Variants in AFAP1L2 observed in about 807,000 individuals in gnomAD.
AFAP1L2 encodes actin filament associated protein 1 like 2.
AFAP1L2 carries 46 observed loss-of-function variants against 99.3 expected under a neutral mutation model. That is an observed-to-expected ratio of 0.46 (90% CI 0.37 to 0.59). The LOEUF (loss-of-function observed/expected upper bound fraction) is 0.59, where lower values mean the gene tolerates loss of function less well. Ranked by LOEUF, AFAP1L2 falls within the 20% of genes least tolerant of loss-of-function variation. The pLI is 0.00. For synonymous variants in AFAP1L2, 397 were observed against 419.1 expected, an observed-to-expected ratio of 0.95 and a Z score of 0.64; for missense variants, 959 against 1,034.9, an observed-to-expected ratio of 0.93 and a Z score of 1.01.
At position 114,389,298 on chromosome 10, in the gene AFAP1L2, T is replaced by C. The variant is rs561286139; in HGVS notation, c.16+15142A>G. Among the ~76,000 whole-genome samples the C allele has an allele frequency of 2.0e-5, 3 of 152,154 alleles. No individual in the cohort carries two copies. In the South Asian group the frequency reaches 6.2e-4, roughly 32 times the overall value. ...AAGCAACTATTATTTCAAGTAGAAA[T>C]AGAGATGATGGAACAAAAAAGATCA... is the stretch of plus-strand genomic sequence containing the variant. On this transcript the variant is annotated intron_variant, in intron 1 of 18. Coordinates refer to ENST00000304129, the MANE Select transcript of AFAP1L2 (RefSeq NM_001001936.3).
rs370328919 is a variant in AFAP1L2 at position 114,373,955 on chromosome 10, G to A, written c.16+30485C>T. 2.0e-4 allele frequency among the ~76,000 whole-genome samples: 31 copies of A among 152,232 alleles called. No homozygotes were observed. In the South Asian group the frequency reaches 6.2e-3, roughly 31 times the overall value. On this transcript the variant is annotated intron_variant, in intron 1 of 18. Coordinates refer to ENST00000304129, the MANE Select transcript of AFAP1L2 (RefSeq NM_001001936.3). ...GACAGAAGATGCTGGTTGGGATGCA[G>A]TGAAGTCCCAAGACCACCCTTTCCT...
intron 1 of AFAP1L2, among the ~76,000 whole-genome samples, chr10:114,353,784 G>A (rs546827268): frequency 2.0e-5 from 3 of 152,358 alleles, no homozygotes; most frequent in Admixed American, 1.3e-4. Context: ...AAGTCCTGGG[G>A]TGGGGGACAG....
At chr10:114,314,659 G>T (rs900165548) in intron 6 of AFAP1L2, among the ~76,000 whole-genome samples, 2 of 152,264 alleles carry the variant, frequency 1.3e-5, no homozygotes, top group East Asian at 3.9e-4. Context: ...GGCAAGAAAA[G>T]GTGTTTATAA....
chr10:114,332,029 G>A (rs183394962), intron 3 of AFAP1L2, 132 bp from the exon 4 acceptor site: 83 of 529,502 alleles, frequency 1.6e-4, no homozygotes, highest in African/African-American at 1.3e-3. Context: ...CCAGGCAGGC[G>A]GTCCCTGGAA....
Position 114,300,437 on chromosome 10 carries a change from G to GC in AFAP1L2, c.1788+7dup. ...GTGGTCTTGCTGTCCTGCAGGGGAG[G>GC]CCTGTACCTGTTCTCCCAGGTTCTC... On this transcript the variant is annotated splice_region_variant and intron_variant, in intron 14 of 18. Coordinates refer to ENST00000304129, the MANE Select transcript of AFAP1L2 (RefSeq NM_001001936.3). 3 of 1,613,044 alleles carry GC rather than the reference G, an allele frequency of 1.9e-6. No individual in the cohort carries two copies. Among genetic ancestry groups the GC allele is most frequent in the Non-Finnish European group, 2.5e-6 (3 of 1,179,380 alleles).
chr10:114,287,182 C>T, the AFAP1L2 span, among the ~76,000 whole-genome samples: 1 of 152,118 alleles, frequency 6.6e-6, no homozygotes, highest in Non-Finnish European at 1.5e-5. Context: ...AGCTGAAACA[C>T]GTCTTTTTTT....
At chr10:114,386,166 T>C (rs2056477037) in intron 1 of AFAP1L2, among the ~76,000 whole-genome samples, 1 of 152,150 alleles carries the variant, frequency 6.6e-6, no homozygotes, top group African/African-American at 2.4e-5. Flanking sequence ...AAAATGCCTA[T>C]GGTAGGACTT....
At chr10:114,393,021 G>C (rs540231162) in intron 1 of AFAP1L2, among the ~76,000 whole-genome samples, 2 of 152,066 alleles carry the variant, frequency 1.3e-5, no homozygotes, top group Non-Finnish European at 2.9e-5. Context: ...CCCCCAACAC[G>C]CATGTGCCCC....
At chr10:114,288,361 G>A in the AFAP1L2 span, among the ~76,000 whole-genome samples, 127 of 152,336 alleles carry the variant, frequency 8.3e-4, no homozygotes, top group Middle Eastern at 3.4e-3. Flanking sequence ...CTGTCAGCCT[G>A]TTGACAGCAG....
rs781182236 is a variant in AFAP1L2, at chr10:114,297,087, G to A, written c.2321C>T (p.Thr774Ile). 2 of 1,614,224 alleles carry A rather than the reference G, an allele frequency of 1.2e-6. No individual in the cohort carries two copies. Among genetic ancestry groups the A allele is most frequent in the Non-Finnish European group, 1.7e-6 (2 of 1,180,032 alleles). ...GGTACAGTCTGGGGCAGAGGCAGGT[G>A]TGACAGCTTTGGGCTGTGGTTATAG... is the stretch of plus-strand genomic sequence containing the variant. ...ENVSPRPKAVTPASAPDCTPV... is the reference protein window; with the variant it reads ...ENVSPRPKAVIPASAPDCTPV... Residue 774 changes from threonine (T) to isoleucine (I), a missense_variant, in exon 18 of 19, where the codon ACA becomes ATA. By Grantham distance (89) the Thr-to-Ile change is moderately conservative (BLOSUM62 -1). This residue lies in a region of AFAP1L2 where 576 missense variants were observed against 562.1 expected (regional missense o/e 1.02). Transcript: ENST00000304129.
chr10:114,395,760 G>T (rs1418416676), intron 1 of AFAP1L2, among the ~76,000 whole-genome samples: 1 of 152,102 alleles, frequency 6.6e-6, no homozygotes, highest in Non-Finnish European at 1.5e-5. Context: ...GAGGTGTGCA[G>T]CCCAGGGAAG....
chr10:114,361,526 T>C (rs1399944497), intron 1 of AFAP1L2, among the ~76,000 whole-genome samples: 1 of 152,150 alleles, frequency 6.6e-6, no homozygotes, highest in Non-Finnish European at 1.5e-5. Context: ...GGGACAGTAC[T>C]CACTCAAGAT....
At chr10:114,312,743 T>C (rs549845072) in intron 7 of AFAP1L2, among the ~76,000 whole-genome samples, 249 of 152,306 alleles carry the variant, frequency 1.6e-3, no homozygotes, top group Non-Finnish European at 3.0e-3. Context: ...TGGAGATCTG[T>C]GAAGCCAAAC....
the AFAP1L2 span, chr10:114,289,078 G>A: frequency 4.0e-5 from 64 of 1,614,174 alleles, no homozygotes; most frequent in African/African-American, 1.3e-4. Flanking sequence ...GACACAGGTC[G>A]GCCTGGTGGT....
Position 114,368,722 on chromosome 10 carries a change from T to C in AFAP1L2, c.17-27991A>G, listed in dbSNP as rs375590368. 2.0e-4 allele frequency among the ~76,000 whole-genome samples: 30 copies of C among 151,580 alleles called. No homozygotes were observed. The South Asian group carries it at 6.1e-3, about 31-fold the overall frequency. On this transcript the variant is annotated intron_variant, in intron 1 of 18. Transcript: ENST00000304129. ...GAACCACCACACCCAGCCAATGTATTGTTTACTTGAAATTTTCCTAAACAT... is the reference window on the plus strand; with the variant it reads ...GAACCACCACACCCAGCCAATGTATCGTTTACTTGAAATTTTCCTAAACAT...
chr10:114,301,338 C>T lies in AFAP1L2; in HGVS notation c.1542+16G>A. The T allele has an allele frequency of 6.2e-7, 1 of 1,603,840 alleles. No individual in the cohort carries two copies. Among genetic ancestry groups the T allele is most frequent in the African/African-American group, 1.3e-5 (1 of 74,870 alleles). ...GGCCTGGAGAGGCCCAGGCCACTGCCTGGCCGGGTCCTTACCGCAGCTGTG... is the reference window on the plus strand; with the variant it reads ...GGCCTGGAGAGGCCCAGGCCACTGCTTGGCCGGGTCCTTACCGCAGCTGTG... On this transcript the variant is annotated intron_variant, in intron 13 of 18. Transcript: ENST00000304129.
chr10:114,299,365 C>G lies in AFAP1L2; in HGVS notation c.2008G>C (p.Glu670Gln), dbSNP rs1393578924. The G allele has an allele frequency of 6.2e-7, 1 of 1,614,108 alleles. No homozygotes were observed. The highest frequency in any genetic ancestry group is 1.3e-5 in the African/African-American group (1 of 74,942). ...TTCTTTTCAAGCCTCTCCTTCTCCT[C>G]TGTGTACCGCTTCACCTCAGCTTCT... ...RTEAEVKRYT[E>Q]EKERLEKKKE... Residue 670 changes from glutamate (E) to glutamine (Q), a missense_variant, in exon 16 of 19, where the codon GAG (glutamate) becomes CAG (glutamine). By Grantham distance (29) the Glu-to-Gln change is conservative. This residue lies in a region of AFAP1L2 where 576 missense variants were observed against 562.1 expected (regional missense o/e 1.02). Transcript: ENST00000304129.
In AFAP1L2 at chr10:114,295,473, T is replaced by G. The variant is rs1409286367; in HGVS notation, c.*569A>C. 1.0e-6 allele frequency: 1 copy of G among 985,438 alleles called. No homozygotes were observed. Among genetic ancestry groups the G allele is most frequent in the Non-Finnish European group, 1.2e-6 (1 of 829,916 alleles). The allele number at this position is 985,438 out of a possible 1,614,324, so 61.0% of individuals were successfully genotyped here. A position where few individuals can be genotyped will look rare whatever the true frequency, so the allele number is the denominator to read the frequency against. On this transcript the variant is annotated 3_prime_UTR_variant, in exon 19 of 19. Coordinates refer to ENST00000304129, the MANE Select transcript of AFAP1L2 (RefSeq NM_001001936.3). ...CCATTATTGTTTCTCAAAACTCATG[T>G]CATAGATGGTTTTACAGATGATGGT...
intron 4 of AFAP1L2, among the ~76,000 whole-genome samples, chr10:114,328,094 G>A (rs1044692826): frequency 1.3e-5 from 2 of 152,214 alleles, no homozygotes; most frequent in African/African-American, 4.8e-5. Flanking sequence ...TGTTTCTCCT[G>A]CAAGGACCAC....
Sources: gnomAD v4.1 joint callset for allele counts (sites outside exome capture counted in the v4.1 genomes callset) on GRCh38, gnomAD v4.1.1 for gene constraint, gnomAD v4.1.1 regional missense constraint, MANE v1.5 for transcripts, NCBI Gene and HGNC (gene_info 2026-07-23, HGNC 2026-07-21) for gene names.